The following SMAD6 variants were observed in gnomAD, a reference collection of about 807,000 sequenced individuals.
SMAD6 encodes the protein SMAD family member 6.
A neutral mutation model predicts 39.4 loss-of-function variants in SMAD6; 103 were observed. The observed-to-expected ratio is 2.62, with a 90% CI of 2.23 to 3.08. The LOEUF is 3.08. SMAD6 is among the 30% of genes most tolerant of loss of function. The probability of loss-of-function intolerance (pLI) is 0.00; values close to 1 mark genes in which losing one functional copy is unlikely to be tolerated. For synonymous variants in SMAD6, 445 were observed against 353.3 expected (o/e 1.26, Z -2.91); for missense variants, 1,104 against 742.9 (o/e 1.49, Z -5.65).
intron 1 of SMAD6, chr15:66,706,731 C>T (rs1345114795): frequency 2.0e-5 from 3 of 152,754 alleles, no homozygotes; most frequent in Admixed American, 6.5e-5. Context: ...GGGACTCCCA[C>T]CTGGCAGCAG....
chr15:66,732,978 G>A (rs1414388127), intron 3 of SMAD6, among the ~76,000 whole-genome samples: 2 of 151,708 alleles, frequency 1.3e-5, no homozygotes, highest in Non-Finnish European at 2.9e-5. Context: ...AATCCATGTT[G>A]AGTTAATTTT....
At chr15:66,761,390 A>G (rs1315195357) in intron 3 of SMAD6, among the ~76,000 whole-genome samples, 1 of 152,204 alleles carries the variant, frequency 6.6e-6, no homozygotes, top group East Asian at 1.9e-4. Flanking sequence ...TGCAACGCAC[A>G]TCCTTTGCCT....
At position 66,758,301 on chromosome 15, in the gene SMAD6, A is replaced by G. The variant is rs534957748; in HGVS notation, c.953-22696A>G. 7.9e-5 allele frequency among the ~76,000 whole-genome samples: 12 copies of G among 152,362 alleles called. No individual in the cohort carries two copies. In the East Asian group the frequency reaches 1.9e-3, roughly 24 times the overall value. ...TCTTCCCCATCCCAGTCTTCTCTTG[A>G]GAGGGAATTCCAAAGCTTGGCAGGA... On this transcript the variant is annotated intron_variant, in intron 3 of 3. Transcript: ENST00000288840.
At chr15:66,767,282 T>C (rs761415169) in intron 3 of SMAD6, among the ~76,000 whole-genome samples, 11 of 152,186 alleles carry the variant, frequency 7.2e-5, no homozygotes, top group Non-Finnish European at 1.6e-4. Flanking sequence ...TCAATGAGGA[T>C]AGAACTGCCT....
At chr15:66,748,712 T>A (rs1398713116) in intron 3 of SMAD6, among the ~76,000 whole-genome samples, 1 of 152,192 alleles carries the variant, frequency 6.6e-6, no homozygotes, top group African/African-American at 2.4e-5. Flanking sequence ...CTCCTGCCCT[T>A]CCCCAGGCTT....
At chr15:66,711,873 G>A (rs2140596744) in intron 2 of SMAD6, 149 bp downstream of exon 2, 1 of 668,722 alleles carries the variant, frequency 1.5e-6, no homozygotes, top group Non-Finnish European at 2.7e-6. Context: ...ATGGGGTGAA[G>A]TTGTACAAAC....
chr15:66,759,145 A>AT (rs1271708286), intron 3 of SMAD6, among the ~76,000 whole-genome samples: 1 of 152,230 alleles, frequency 6.6e-6, no homozygotes, highest in Non-Finnish European at 1.5e-5. Context: ...TCTTTTGCTG[A>AT]TTCCTTATTT....
chr15:66,703,940 C>T lies in SMAD6; in HGVS notation c.682C>T (p.Arg228Cys). 7.2e-7 allele frequency: 1 copy of T among 1,382,562 alleles called. No homozygotes were observed. The highest frequency in any genetic ancestry group is 9.4e-7 in the Non-Finnish European group (1 of 1,066,348). 85.6% of individuals were successfully genotyped at this position (1,382,562 alleles called of 1,614,324 possible). A position where few individuals can be genotyped will look rare whatever the true frequency, so the allele number is the denominator to read the frequency against. Reference sequence around the variant, plus strand: ...CGCGCCGCCGCAGCTGCTGCTCGGCCGCCTCTTTCGCTGGCCCGACCTGCA... The same window carrying T: ...CGCGCCGCCGCAGCTGCTGCTCGGCTGCCTCTTTCGCTGGCCCGACCTGCA... ...QPAPPQLLLG[R>C]LFRWPDLQHA... The change falls in exon 1 of 4, where the codon CGC (arginine) becomes TGC (cysteine). Residue 228 changes from arginine to cysteine, a missense_variant. Transcript: ENST00000288840.
At chr15:66,762,221 C>T (rs1205194100) in intron 3 of SMAD6, among the ~76,000 whole-genome samples, 1 of 152,228 alleles carries the variant, frequency 6.6e-6, no homozygotes, top group East Asian at 1.9e-4. Flanking sequence ...CTTGGACTCC[C>T]CCGTTATTTT....
chr15:66,781,027 C>T lies in SMAD6; in HGVS notation c.983C>T (p.Pro328Leu), dbSNP rs372656673. ...AGCATGTCTCCGGACGCCACCAAGC[C>T]GAGCCACTGGTGCAGCGTGGCGTAC... Reference protein sequence around the residue: ...DASMSPDATKPSHWCSVAYWE... With the variant: ...DASMSPDATKLSHWCSVAYWE... The change falls in exon 4 of 4, where the codon CCG (proline) becomes CTG (leucine). Residue 328 changes from proline (P) to leucine (L), a missense_variant. Coordinates refer to ENST00000288840, the MANE Select transcript of SMAD6 (RefSeq NM_005585.5). The T allele has an allele frequency of 1.9e-5, 31 of 1,591,440 alleles. No homozygotes were observed. The highest frequency in any genetic ancestry group is 5.4e-5 in the African/African-American group (4 of 74,546).
chr15:66,757,820 A>G (rs557708511), intron 3 of SMAD6, among the ~76,000 whole-genome samples: 6 of 152,244 alleles, frequency 3.9e-5, no homozygotes, highest in South Asian at 4.1e-4. Flanking sequence ...AGGACAACAG[A>G]GTGGCATGGA....
At position 66,703,206 on chromosome 15, in the gene SMAD6, C is replaced by T. The variant is rs949888259; in HGVS notation, c.-53C>T. On this transcript the variant is annotated 5_prime_UTR_variant, in exon 1 of 4. Coordinates refer to ENST00000288840, the MANE Select transcript of SMAD6 (RefSeq NM_005585.5). ...CCGGCGCCTCGCTGAGGGAACGGAC[C>T]CCCGGTAACCGGAGACCGCCTCCCC... 4 of 1,284,766 alleles carry T rather than the reference C, an allele frequency of 3.1e-6. No individual in the cohort carries two copies. The highest frequency in any genetic ancestry group is 3.9e-5 in the Admixed American group (1 of 25,390). 79.6% of individuals were successfully genotyped at this position (1,284,766 alleles called of 1,614,324 possible). A position where few individuals can be genotyped will look rare whatever the true frequency, so the allele number is the denominator to read the frequency against.
chr15:66,754,539 A>G (rs1894064294), intron 3 of SMAD6, among the ~76,000 whole-genome samples: 4 of 152,134 alleles, frequency 2.6e-5, no homozygotes, highest in African/African-American at 9.7e-5. Context: ...TATGCGGTGG[A>G]TAGGATTCAT....
intron 3 of SMAD6, among the ~76,000 whole-genome samples, chr15:66,725,325 G>A (rs1322012913): frequency 2.6e-5 from 4 of 152,194 alleles, no homozygotes; most frequent in Admixed American, 6.5e-5. Context: ...GCCAGAAAGG[G>A]TAAGACCTCG....
At chr15:66,753,020 T>C (rs938466994) in intron 3 of SMAD6, among the ~76,000 whole-genome samples, 4 of 152,334 alleles carry the variant, frequency 2.6e-5, no homozygotes, top group African/African-American at 9.6e-5. Flanking sequence ...GCTGTCTTAC[T>C]GAATTCTCAT....
intron 3 of SMAD6, among the ~76,000 whole-genome samples, chr15:66,750,103 G>A (rs1893976000): frequency 6.6e-6 from 1 of 152,000 alleles, no homozygotes. Context: ...GGCTGCTGTG[G>A]GGGACGCAGG....
intron 3 of SMAD6, among the ~76,000 whole-genome samples, chr15:66,759,431 A>G (rs1263742191): frequency 2.0e-5 from 3 of 152,222 alleles, no homozygotes; most frequent in Non-Finnish European, 4.4e-5. Flanking sequence ...TTTTGGTTAC[A>G]TGGATGAATT....
intron 3 of SMAD6, among the ~76,000 whole-genome samples, chr15:66,719,034 G>T (rs893183693): frequency 6.6e-6 from 1 of 152,210 alleles, no homozygotes; most frequent in African/African-American, 2.4e-5. Flanking sequence ...CTCACTACAT[G>T]TCAGGCACTT....
intron 3 of SMAD6, among the ~76,000 whole-genome samples, chr15:66,726,679 C>T (rs1311226860): frequency 1.3e-5 from 2 of 152,118 alleles, no homozygotes; most frequent in Admixed American, 6.5e-5. Context: ...AGGCCCAGCT[C>T]CTAGTCCTGA....
Sources: allele counts gnomAD v4.1 joint callset (sites outside exome capture counted in the v4.1 genomes callset), GRCh38; gene constraint gnomAD v4.1.1; transcripts MANE v1.5; gene names NCBI Gene and HGNC (gene_info 2026-07-23, HGNC 2026-07-21).